FCHSD2: variants seen among roughly 807,000 people sequenced by gnomAD.
The protein encoded by FCHSD2 is F-BAR and double SH3 domains protein 2.
A neutral mutation model predicts 108.1 loss-of-function variants in FCHSD2; 38 were observed. The ratio of observed to expected loss-of-function variants is 0.35; its 90% CI spans 0.27 to 0.46. The LOEUF (loss-of-function observed/expected upper bound fraction) is 0.46, where lower values mean the gene tolerates loss of function less well. Ranked by LOEUF, FCHSD2 falls within the 20% of genes least tolerant of loss-of-function variation. FCHSD2 has a pLI of 1.00. For missense variants in FCHSD2, 751 were observed against 897.8 expected, an observed-to-expected ratio of 0.84 and a Z score of 2.09; for synonymous variants, 279 against 314.7, an observed-to-expected ratio of 0.89 and a Z score of 1.20.
Position 73,000,994 on chromosome 11 carries a change from T to G in FCHSD2, c.383A>C (p.Lys128Thr). 1 of 1,604,738 alleles carries G rather than the reference T, an allele frequency of 6.2e-7. No individual in the cohort carries two copies. Among genetic ancestry groups the G allele is most frequent in the Admixed American group, 1.7e-5 (1 of 58,400 alleles). ...GAACAGAAATAAAAACAATACCCTTTTTAGTTGCTGTTCTTTTAAGCTTCT... is the reference window on the plus strand; with the variant it reads ...GAACAGAAATAAAAACAATACCCTTGTTAGTTGCTGTTCTTTTAAGCTTCT... Reference protein sequence around the residue: ...TVRSLKEQQLKRCVDQLTKIQ... With the variant: ...TVRSLKEQQLTRCVDQLTKIQ... Residue 128 changes from lysine to threonine, a missense_variant, in exon 5 of 20, where the codon AAA (lysine) becomes ACA (threonine). Coordinates refer to ENST00000409418, the MANE Select transcript of FCHSD2 (RefSeq NM_014824.3).
chr11:72,878,198 G>A (rs1262283315), intron 12 of FCHSD2, among the ~76,000 whole-genome samples: 1 of 152,118 alleles, frequency 6.6e-6, no homozygotes, highest in East Asian at 1.9e-4. Context: ...AGGATCATTT[G>A]AGTCCAGGAG....
At chr11:73,062,538 T>C (rs960277987) in intron 3 of FCHSD2, among the ~76,000 whole-genome samples, 3 of 152,012 alleles carry the variant, frequency 2.0e-5, no homozygotes, top group Admixed American at 6.6e-5. Flanking sequence ...GCTAAGAACC[T>C]TGAAAAAACG....
chr11:72,943,482 G>A (rs1856460743), intron 8 of FCHSD2, among the ~76,000 whole-genome samples: 1 of 152,050 alleles, frequency 6.6e-6, no homozygotes, highest in African/African-American at 2.4e-5. Flanking sequence ...ATGGATTATG[G>A]GAAAACAGTA....
At chr11:72,933,494 C>T (rs529422389) in intron 8 of FCHSD2, among the ~76,000 whole-genome samples, 7 of 152,292 alleles carry the variant, frequency 4.6e-5, no homozygotes, top group African/African-American at 1.7e-4. Flanking sequence ...CCAACAAATT[C>T]CTCTGTTTTG....
At chr11:73,103,007 A>C (rs949149208) in intron 2 of FCHSD2, among the ~76,000 whole-genome samples, 1 of 152,244 alleles carries the variant, frequency 6.6e-6, no homozygotes, top group Non-Finnish European at 1.5e-5. Flanking sequence ...GAAAATGTCA[A>C]ACATAAGTGT....
intron 5 of FCHSD2, among the ~76,000 whole-genome samples, chr11:72,991,520 A>G (rs1019215593): frequency 6.6e-6 from 1 of 152,214 alleles, no homozygotes; most frequent in Non-Finnish European, 1.5e-5. Flanking sequence ...ACCATGATCA[A>G]GTGGGCTTCA....
intron 12 of FCHSD2, among the ~76,000 whole-genome samples, chr11:72,868,646 G>A (rs934292302): frequency 5.9e-5 from 9 of 151,934 alleles, no homozygotes; most frequent in Non-Finnish European, 8.8e-5. Context: ...AGGGGAGATC[G>A]CACCACTACA....
intron 6 of FCHSD2, among the ~76,000 whole-genome samples, chr11:72,985,347 C>G (rs1283198907): frequency 1.4e-5 from 2 of 141,664 alleles, no homozygotes; most frequent in Non-Finnish European, 3.1e-5. Flanking sequence ...AGACAAATAT[C>G]CAGAATGACC....
In FCHSD2 at chr11:72,857,572, G is replaced by A. The variant is rs2060073; in HGVS notation, c.1309-7683C>T. On this transcript the variant is annotated intron_variant, in intron 13 of 19. Transcript: ENST00000409418. ...TCCTGCCTCAGCCTCCGGAGTAGCT[G>A]GGACTACAGGTGTGTGCCACCATGC... 3.3e-3 allele frequency among the ~76,000 whole-genome samples: 502 copies of A among 150,906 alleles called. 3 individuals are homozygous for A. The highest frequency in any genetic ancestry group is 0.012 in the African/African-American group (489 of 41,070).
intron 9 of FCHSD2, among the ~76,000 whole-genome samples, chr11:72,915,242 A>G (rs1855848293): frequency 1.3e-5 from 2 of 152,154 alleles, no homozygotes; most frequent in Non-Finnish European, 2.9e-5. Flanking sequence ...AAATTAAAAA[A>G]ACAACGGATG....
chr11:73,019,478 G>T lies in FCHSD2; in HGVS notation c.166-3593C>A, dbSNP rs539930198. 2.6e-5 allele frequency among the ~76,000 whole-genome samples: 4 copies of T among 152,212 alleles called. No homozygotes were observed. The East Asian group carries it at 5.8e-4, about 22-fold the overall frequency. ...TTTTTTTAAATTATGAAATTAATTT[G>T]TTAACTTTGTGCATTATAAATTACA... On this transcript the variant is annotated intron_variant, in intron 3 of 19. Transcript: ENST00000409418.
intron 3 of FCHSD2, among the ~76,000 whole-genome samples, chr11:73,024,944 C>G (rs1221850392): frequency 2.0e-5 from 3 of 152,078 alleles, no homozygotes; most frequent in Admixed American, 6.6e-5. Context: ...CAATGAGATA[C>G]TATCTAACAC....
intron 8 of FCHSD2, among the ~76,000 whole-genome samples, chr11:72,948,967 AT>A (rs1856572190): frequency 6.6e-6 from 1 of 151,890 alleles, no homozygotes. Flanking sequence ...ACCCAGCATA[AT>A]TTTCATTTCT....
At chr11:72,903,403 T>G (rs949980933) in intron 9 of FCHSD2, among the ~76,000 whole-genome samples, 5 of 152,008 alleles carry the variant, frequency 3.3e-5, no homozygotes, top group African/African-American at 4.8e-5. Flanking sequence ...ATTTTTTTAG[T>G]AGAGATGGGG....
At chr11:72,912,981 G>A (rs1044694466) in intron 9 of FCHSD2, among the ~76,000 whole-genome samples, 18 of 152,192 alleles carry the variant, frequency 1.2e-4, no homozygotes, top group African/African-American at 3.6e-4. Context: ...GGAGGCTTCC[G>A]GACACTTACA....
At position 72,838,670 on chromosome 11, in the gene FCHSD2, A is replaced by G. The variant is rs1296776855; in HGVS notation, c.*121T>C. ...CTACCAGGCCACCCAGTCACACATA[A>G]TCCTCCTTGTTTTTTGCTCTGTTCA... is the stretch of plus-strand genomic sequence containing the variant. On this transcript the variant is annotated 3_prime_UTR_variant, in exon 20 of 20. Coordinates refer to ENST00000409418, the MANE Select transcript of FCHSD2 (RefSeq NM_014824.3). The G allele has an allele frequency of 1.3e-6, 1 of 786,494 alleles. No individual in the cohort carries two copies. The highest frequency in any genetic ancestry group is 2.7e-5 in the East Asian group (1 of 37,314). The allele number at this position is 786,494 out of a possible 1,614,324, so 48.7% of individuals were successfully genotyped here.
intron 2 of FCHSD2, among the ~76,000 whole-genome samples, chr11:73,128,093 A>G (rs1438780604): frequency 2.6e-5 from 4 of 152,074 alleles, no homozygotes; most frequent in African/African-American, 9.7e-5. Flanking sequence ...TTATCAGAAG[A>G]CTGAAGTGGT....
rs933564963 is a variant in FCHSD2, at chr11:72,901,568, T to G, written c.924+975A>C. Among the ~76,000 whole-genome samples the G allele has an allele frequency of 3.9e-5, 6 of 152,174 alleles. No homozygotes were observed. The East Asian group carries it at 1.2e-3, about 29-fold the overall frequency. ...TTCTTTTTAAAGTGATGAAATGTTG[T>G]GGAACTACCAAGTTATGACAGTGCA... On this transcript the variant is annotated intron_variant, in intron 10 of 19. Coordinates refer to ENST00000409418, the MANE Select transcript of FCHSD2 (RefSeq NM_014824.3).
rs1447409185 is a variant in FCHSD2 at position 72,849,859 on chromosome 11, C to T, written c.1339G>A (p.Glu447Lys). Residue 447 changes from glutamate to lysine, a missense_variant, in exon 14 of 20, where the codon GAA becomes AAA. Glu to Lys is a moderately conservative substitution (Grantham distance 56). Transcript: ENST00000409418. The stretch of plus-strand genomic sequence containing the variant: ...ACATCCATGTTATCTTCAAACTCTT[C>T]GCCTTCTTCTCTTTCGGTATCTGCA... ...LNADTEREEG[E>K]EFEDNMDVFD... 2.2e-5 allele frequency: 35 copies of T among 1,613,286 alleles called. No individual in the cohort carries two copies. The highest frequency in any genetic ancestry group is 2.8e-5 in the Non-Finnish European group (33 of 1,179,404).
Sources: gnomAD v4.1 joint callset for allele counts (sites outside exome capture counted in the v4.1 genomes callset) on GRCh38, gnomAD v4.1.1 for gene constraint, MANE v1.5 for transcripts, NCBI Gene and HGNC (gene_info 2026-07-23, HGNC 2026-07-21) for gene names.